Variants in MDGA2 observed in about 807,000 individuals in gnomAD.
MDGA2 encodes the protein MAM domain containing glycosylphosphatidylinositol anchor 2, also known as MAM domain-containing glycosylphosphatidylinositol anchor protein 2.
In MDGA2, 40 loss-of-function variants were observed where a neutral mutation model predicts 117.8. The ratio of observed to expected loss-of-function variants is 0.34; its 90% confidence interval spans 0.26 to 0.44. The LOEUF is 0.44. Among genes scored for constraint, MDGA2 ranks in the 20% least tolerant of loss-of-function variants. The pLI, the probability that MDGA2 is intolerant of heterozygous loss-of-function variation, is 1.00. For missense variants in MDGA2, 1,123 were observed against 1,250.6 expected (o/e 0.90, Z 1.54); for synonymous variants, 452 against 439.0 (o/e 1.03, Z -0.37).
intron 1 of MDGA2, among the ~76,000 whole-genome samples, chr14:47,358,793 T>C (rs1034085767): frequency 3.3e-5 from 5 of 152,120 alleles, no homozygotes; most frequent in Non-Finnish European, 7.4e-5. Flanking sequence ...CTGTAAAACA[T>C]TGATGAAAGA....
chr14:47,030,892 T>C (rs967554156), intron 8 of MDGA2, among the ~76,000 whole-genome samples: 21 of 152,272 alleles, frequency 1.4e-4, no homozygotes, highest in African/African-American at 4.8e-4. Flanking sequence ...AAGTTAAAAG[T>C]CATAAAGAAA....
At chr14:47,071,903 T>G (rs139808823) in intron 6 of MDGA2, among the ~76,000 whole-genome samples, 1 of 152,248 alleles carries the variant, frequency 6.6e-6, no homozygotes, top group South Asian at 2.1e-4. Flanking sequence ...ACAATCCTAG[T>G]TGTCAATCTA....
At position 47,345,810 on chromosome 14, in the gene MDGA2, A is replaced by G. The variant is rs1284926125; in HGVS notation, c.281-44260T>C. Among the ~76,000 whole-genome samples the G allele has an allele frequency of 1.3e-5, 2 of 152,148 alleles. 1 individual carries two copies. The highest frequency in any genetic ancestry group is 4.8e-5 in the African/African-American group (2 of 41,446). On this transcript the variant is annotated intron_variant, in intron 1 of 16. Coordinates refer to ENST00000399232, the MANE Select transcript of MDGA2 (RefSeq NM_001113498.3). ...CTGTTTTCATTATAAACACAAATACATTTGGGGATAGTATCTAAGTGAGTG... is the reference window on the plus strand; with the variant it reads ...CTGTTTTCATTATAAACACAAATACGTTTGGGGATAGTATCTAAGTGAGTG...
intron 6 of MDGA2, among the ~76,000 whole-genome samples, chr14:47,095,360 G>A (rs768304876): frequency 1.2e-4 from 18 of 151,888 alleles, no homozygotes; most frequent in South Asian, 4.1e-4. Flanking sequence ...GAACAATATC[G>A]TATAGAAAAC....
intron 3 of MDGA2, among the ~76,000 whole-genome samples, chr14:47,172,367 A>AC: frequency 6.6e-6 from 1 of 152,002 alleles, no homozygotes; most frequent in South Asian, 2.1e-4. Context: ...CTGACCCCTG[A>AC]CCCCCGAGAA....
intron 1 of MDGA2, among the ~76,000 whole-genome samples, chr14:47,634,618 C>A (rs556408767): frequency 6.6e-6 from 1 of 152,076 alleles, no homozygotes; most frequent in Non-Finnish European, 1.5e-5. Flanking sequence ...TTTTGTGCTA[C>A]ATTTTTTTAA....
chr14:47,247,969 T>G (rs568906633), intron 2 of MDGA2, among the ~76,000 whole-genome samples: 1 of 151,548 alleles, frequency 6.6e-6, no homozygotes, highest in Non-Finnish European at 1.5e-5. Context: ...GCAAAGTACA[T>G]GAATACATCC....
At chr14:47,294,529 T>C (rs990569407) in intron 2 of MDGA2, among the ~76,000 whole-genome samples, 1 of 152,102 alleles carries the variant, frequency 6.6e-6, no homozygotes, top group African/African-American at 2.4e-5. Context: ...AGCAGACAGA[T>C]TCAGTCTAGA....
chr14:47,627,504 C>A (rs1218938594), intron 1 of MDGA2, among the ~76,000 whole-genome samples: 1 of 152,176 alleles, frequency 6.6e-6, no homozygotes, highest in African/African-American at 2.4e-5. Context: ...GTAAATACAC[C>A]AGTCAACACT....
intron 1 of MDGA2, among the ~76,000 whole-genome samples, chr14:47,611,544 A>G (rs1896849063): frequency 6.6e-6 from 1 of 152,142 alleles, no homozygotes; most frequent in African/African-American, 2.4e-5. Flanking sequence ...AAAGTTGGCT[A>G]AGGACAAGAA....
chr14:47,203,250 T>C (rs1885573031), intron 3 of MDGA2, among the ~76,000 whole-genome samples: 1 of 151,724 alleles, frequency 6.6e-6, no homozygotes, highest in South Asian at 2.1e-4. Flanking sequence ...GTGTTCAGGG[T>C]GAAGGTAAAG....
At chr14:47,321,634 C>G (rs1889981964) in intron 1 of MDGA2, among the ~76,000 whole-genome samples, 2 of 152,118 alleles carry the variant, frequency 1.3e-5, no homozygotes, top group South Asian at 4.1e-4. Flanking sequence ...TGATACTCAA[C>G]TTACTGCAAT....
At chr14:47,488,678 A>G (rs1167215207) in intron 1 of MDGA2, among the ~76,000 whole-genome samples, 1 of 152,128 alleles carries the variant, frequency 6.6e-6, no homozygotes, top group Non-Finnish European at 1.5e-5. Flanking sequence ...AGAGATTTAT[A>G]AGTAAATCCA....
intron 2 of MDGA2, among the ~76,000 whole-genome samples, chr14:47,246,802 AACACAC>A (rs34773547): frequency 1.4e-5 from 2 of 141,760 alleles, no homozygotes; most frequent in South Asian, 2.3e-4. Flanking sequence ...CAGGTAATGA[AACACAC>A]ACACACACAC....
At chr14:47,468,165 G>A (rs1369111769) in intron 1 of MDGA2, among the ~76,000 whole-genome samples, 4 of 152,136 alleles carry the variant, frequency 2.6e-5, no homozygotes, top group African/African-American at 9.7e-5. Flanking sequence ...TTCTAGGTGA[G>A]TAACAGTGAC....
intron 8 of MDGA2, among the ~76,000 whole-genome samples, chr14:47,030,294 C>G (rs1194756180): frequency 2.0e-5 from 3 of 151,926 alleles, no homozygotes; most frequent in African/African-American, 7.3e-5. Context: ...GTTGGTGGAT[C>G]ACCTGAGGTC....
At chr14:47,016,609 A>G (rs565140487) in intron 8 of MDGA2, among the ~76,000 whole-genome samples, 11 of 152,128 alleles carry the variant, frequency 7.2e-5, no homozygotes, top group African/African-American at 2.6e-4. Context: ...ACAGCTCAAA[A>G]CCATCATTAT....
At chr14:47,537,526 A>G (rs2138746318) in intron 1 of MDGA2, among the ~76,000 whole-genome samples, 2 of 140,628 alleles carry the variant, frequency 1.4e-5, no homozygotes, top group South Asian at 5.0e-4. Flanking sequence ...GAGTTAATCT[A>G]AAGAGGAAAC....
intron 8 of MDGA2, among the ~76,000 whole-genome samples, chr14:46,978,101 G>A (rs1595083019): frequency 6.6e-6 from 1 of 151,758 alleles, no homozygotes; most frequent in East Asian, 1.9e-4. Context: ...AGGTATAATA[G>A]TTTCAACAAA....
Sources: allele counts gnomAD v4.1 joint callset (sites outside exome capture counted in the v4.1 genomes callset), GRCh38; gene constraint gnomAD v4.1.1; transcripts MANE v1.5; gene names NCBI Gene and HGNC (gene_info 2026-07-23, HGNC 2026-07-21).